COL4A6: variants seen among roughly 807,000 people sequenced by gnomAD.
The protein encoded by COL4A6 is collagen type IV alpha 6 chain.
In COL4A6, 59 loss-of-function variants were observed where a neutral mutation model predicts 126.7. The ratio of observed to expected loss-of-function variants is 0.47; its 90% CI spans 0.38 to 0.58. The LOEUF (loss-of-function observed/expected upper bound fraction) is 0.58, where lower values mean the gene tolerates loss of function less well. Ranked by LOEUF, COL4A6 falls within the 20% of genes least tolerant of loss-of-function variation. COL4A6 has a pLI of 0.00. For missense variants in COL4A6, 1,285 were observed against 1,337.3 expected (o/e 0.96, Z 0.61); for synonymous variants, 547 against 496.6 (o/e 1.10, Z -1.35).
At chrX:108,416,326 ATTATT>A (rs2041435098) in intron 2 of COL4A6, among the ~76,000 whole-genome samples, 2 of 112,068 alleles carry the variant, frequency 1.8e-5, no homozygotes, top group Admixed American at 1.9e-4. Context: ...ACCAGTTATA[ATTATT>A]AGAGTAGAAA....
At chrX:108,427,561 A>T (rs946274997) in intron 2 of COL4A6, among the ~76,000 whole-genome samples, 1 of 111,802 alleles carries the variant, frequency 8.9e-6, no homozygotes, top group African/African-American at 3.3e-5. Context: ...TATAACTGTG[A>T]CCTAAACATC....
At chrX:108,377,941 C>CAAAAAAAAAAAAAAAAA (rs745969449) in intron 2 of COL4A6, among the ~76,000 whole-genome samples, 4 of 7,248 alleles carry the variant, frequency 5.5e-4, no homozygotes, top group African/African-American at 1.5e-3. Flanking sequence ...GACTCCGTCT[C>CAAAAAAAAAAAAAAAAA]AAAAAAAAAA....
chrX:108,392,735 T>C (rs1035797575), intron 2 of COL4A6, among the ~76,000 whole-genome samples: 2 of 111,397 alleles, frequency 1.8e-5, no homozygotes, highest in Non-Finnish European at 3.8e-5. Context: ...ATGGTATTAG[T>C]GCCCTTATAA....
At chrX:108,392,281 C>T (rs907843225) in intron 2 of COL4A6, among the ~76,000 whole-genome samples, 4 of 111,102 alleles carry the variant, frequency 3.6e-5, no homozygotes, top group African/African-American at 9.8e-5. Flanking sequence ...TATAATTAAA[C>T]ATTTTCATAC....
At chrX:108,433,651 G>A (rs7064124) in intron 2 of COL4A6, among the ~76,000 whole-genome samples, 1,759 of 110,173 alleles carry the variant, frequency 0.016, 43 homozygotes, top group African/African-American at 0.055. Flanking sequence ...CAGCCTCCCA[G>A]TAGATAGGAC....
At chrX:108,215,078 C>G (rs1008150287) in intron 5 of COL4A6, among the ~76,000 whole-genome samples, 1 of 111,753 alleles carries the variant, frequency 8.9e-6, no homozygotes, top group African/African-American at 3.2e-5. Flanking sequence ...AGATGTCCCC[C>G]CTGCCGATGC....
chrX:108,390,254 T>C (rs1424803108), intron 2 of COL4A6, among the ~76,000 whole-genome samples: 1 of 111,006 alleles, frequency 9.0e-6, no homozygotes, highest in African/African-American at 3.3e-5. Context: ...TCTCTGTATT[T>C]CCTGAATTTG....
rs761779064 is a variant in COL4A6 at position 108,155,860 on chromosome X, T to C, written c.*1140A>G. 5.1e-4 allele frequency: 57 copies of C among 111,984 alleles called. No homozygotes were observed. Among genetic ancestry groups the C allele is most frequent in the African/African-American group, 1.7e-3 (52 of 30,816 alleles). The allele number at this position is 111,984 out of a possible 1,213,427, so 9.2% of individuals were successfully genotyped here. On this transcript the variant is annotated 3_prime_UTR_variant, in exon 45 of 45. Coordinates refer to ENST00000334504, the MANE Select transcript of COL4A6 (RefSeq NM_033641.4). Reference sequence around the variant, plus strand: ...ACAAATTCCCCCAAACAGAATACAATGTACTGCATAGCCAATTCAGGCTTG... The same window carrying C: ...ACAAATTCCCCCAAACAGAATACAACGTACTGCATAGCCAATTCAGGCTTG...
intron 19 of COL4A6, 111 bp downstream of exon 19, chrX:108,191,282 T>C (rs1157376346): frequency 2.1e-6 from 2 of 938,399 alleles, no homozygotes; most frequent in Non-Finnish European, 2.9e-6. Flanking sequence ...AATTATCATG[T>C]ATCCTGGCTT....
intron 2 of COL4A6, among the ~76,000 whole-genome samples, chrX:108,351,436 CTCTCTCTGTG>C (rs1230285678): frequency 3.6e-5 from 3 of 82,264 alleles, no homozygotes; most frequent in African/African-American, 1.5e-4. Flanking sequence ...AGGTAACTCT[CTCTCTCTGTG>C]TGTGTGTGTG....
chrX:108,264,505 A>C (rs979325070), intron 3 of COL4A6, among the ~76,000 whole-genome samples: 1 of 111,839 alleles, frequency 8.9e-6, no homozygotes, highest in African/African-American at 3.2e-5. Context: ...GGTATGCAGG[A>C]GAGCGCTTGA....
chrX:108,203,280 G>A (rs574857593), intron 12 of COL4A6, among the ~76,000 whole-genome samples: 1 of 112,211 alleles, frequency 8.9e-6, no homozygotes, highest in African/African-American at 3.2e-5. Context: ...TCTTTCTAGT[G>A]GAAGAAGCTG....
At chrX:108,408,031 C>T (rs1603222808) in intron 2 of COL4A6, among the ~76,000 whole-genome samples, 1 of 111,477 alleles carries the variant, frequency 9.0e-6, no homozygotes, top group South Asian at 3.8e-4. Flanking sequence ...GCTAAGTAGG[C>T]CGGGTGGGGT....
At position 108,364,261 on chromosome X, in the gene COL4A6, A is replaced by C. The variant is rs1012491221; in HGVS notation, c.64-53433T>G. Among the ~76,000 whole-genome samples the C allele has an allele frequency of 2.7e-5, 3 of 110,036 alleles. No homozygotes were observed. The East Asian group carries it at 8.6e-4, about 31-fold the overall frequency. The stretch of plus-strand genomic sequence containing the variant: ...AGAAGAACCTTTTATCTCCTTCCAC[A>C]ATCTATTCAAGAAAGTTTTATTGAG... On this transcript the variant is annotated intron_variant, in intron 2 of 44. Coordinates refer to ENST00000334504, the MANE Select transcript of COL4A6 (RefSeq NM_033641.4).
At chrX:108,351,762 A>C (rs1232625645) in intron 2 of COL4A6, among the ~76,000 whole-genome samples, 1 of 107,695 alleles carries the variant, frequency 9.3e-6, no homozygotes, top group Non-Finnish European at 1.9e-5. Context: ...GGGGATAAAT[A>C]GTGATTTTAT....
At chrX:108,349,631 T>C (rs1182902237) in intron 2 of COL4A6, among the ~76,000 whole-genome samples, 2 of 111,723 alleles carry the variant, frequency 1.8e-5, no homozygotes, top group Admixed American at 9.5e-5. Context: ...CACCAATAAA[T>C]GCTTGCTGTA....
intron 2 of COL4A6, among the ~76,000 whole-genome samples, chrX:108,409,282 C>A (rs2041279076): frequency 8.9e-6 from 1 of 111,837 alleles, no homozygotes; most frequent in South Asian, 3.8e-4. Flanking sequence ...AAACTGTTCA[C>A]CCTAAGCTGT....
intron 3 of COL4A6, among the ~76,000 whole-genome samples, chrX:108,231,336 A>T (rs1238153567): frequency 8.9e-6 from 1 of 112,319 alleles, no homozygotes; most frequent in East Asian, 2.8e-4. Context: ...TATTGTCAGC[A>T]TGTTGAAATT....
intron 2 of COL4A6, among the ~76,000 whole-genome samples, chrX:108,361,375 C>A (rs1419112148): frequency 9.0e-6 from 1 of 111,318 alleles, no homozygotes; most frequent in Non-Finnish European, 1.9e-5. Context: ...AAAGCAGAAG[C>A]CAGAAGACAA....
Sources: gnomAD v4.1 joint callset for allele counts (sites outside exome capture counted in the v4.1 genomes callset) on GRCh38, gnomAD v4.1.1 for gene constraint, MANE v1.5 for transcripts, NCBI Gene and HGNC (gene_info 2026-07-23, HGNC 2026-07-21) for gene names.